Variants in C6orf89 observed in about 807,000 individuals in gnomAD.
C6orf89 encodes bombesin receptor-activated protein C6orf89.
A neutral mutation model predicts 40.7 loss-of-function variants in C6orf89; 29 were observed. That is an observed-to-expected ratio of 0.71 (90% confidence interval 0.53 to 0.97). The LOEUF (loss-of-function observed/expected upper bound fraction) is 0.97, where lower values mean the gene tolerates loss of function less well. C6orf89 is among the 50% of genes least tolerant of loss of function. The pLI, the probability that C6orf89 is intolerant of heterozygous loss-of-function variation, is 0.00. For missense variants in C6orf89, 392 were observed against 429.1 expected (o/e 0.91, Z 0.76); for synonymous variants, 165 against 152.2 (o/e 1.08, Z -0.62).
At chr6:36,887,376 C>T (rs1228928424) in intron 1 of C6orf89, among the ~76,000 whole-genome samples, 1 of 152,170 alleles carries the variant, frequency 6.6e-6, no homozygotes, top group African/African-American at 2.4e-5. Flanking sequence ...GATCTGATTC[C>T]ACATCTGAGG....
chr6:36,878,268 T>C (rs778994699), intron 1 of C6orf89, among the ~76,000 whole-genome samples: 2 of 152,246 alleles, frequency 1.3e-5, no homozygotes, highest in African/African-American at 2.4e-5. Flanking sequence ...TTCTGTTTCA[T>C]TGGTTTCATA....
intron 2 of C6orf89, among the ~76,000 whole-genome samples, chr6:36,879,374 T>G (rs1774741533): frequency 6.6e-6 from 1 of 152,088 alleles, no homozygotes; most frequent in Non-Finnish European, 1.5e-5. Context: ...AACAAAAAAT[T>G]TTTCCTTTAT....
chr6:36,901,305 TATTATTATTATTATTA>T (rs1314579985), intron 3 of C6orf89, among the ~76,000 whole-genome samples: 3 of 70,524 alleles, frequency 4.3e-5, no homozygotes. Flanking sequence ...TTATTATTAT[TATTATTATTATTATTA>T]TTTTTTTTTT....
rs1348559028 is a variant in C6orf89 at position 36,914,465 on chromosome 6, T to G, written c.555+30T>G. On this transcript the variant is annotated intron_variant, in intron 5 of 8. Transcript: ENST00000480824. ...GCAGAAGCCTGAGTCTCCCGCTGATTGGCTGCTTGCTTAAAGGCTAGGTCA... is the reference window on the plus strand; with the variant it reads ...GCAGAAGCCTGAGTCTCCCGCTGATGGGCTGCTTGCTTAAAGGCTAGGTCA... The G allele has an allele frequency of 3.7e-6, 6 of 1,613,572 alleles. 1 individual carries two copies. The highest frequency in any genetic ancestry group is 1.7e-4 in the Middle Eastern group (1 of 6,058).
chr6:36,911,933 C>G (rs113723632), intron 4 of C6orf89, among the ~76,000 whole-genome samples: 10 of 136,542 alleles, frequency 7.3e-5, no homozygotes, highest in East Asian at 6.2e-4. Flanking sequence ...ACAGTGAACC[C>G]CCCCCCCCCG....
chr6:36,885,890 C>A, upstream of C6orf89: 2 of 667,736 alleles, frequency 3.0e-6, no homozygotes, highest in South Asian at 1.2e-4. Context: ...GGAGGAATTA[C>A]TCTAGGGTAC....
At chr6:36,921,425 T>C (rs1488605887) in intron 8 of C6orf89, among the ~76,000 whole-genome samples, 1 of 152,094 alleles carries the variant, frequency 6.6e-6, no homozygotes, top group Non-Finnish European at 1.5e-5. Flanking sequence ...GTTCTATGAT[T>C]TTTGACAAAA....
intron 3 of C6orf89, among the ~76,000 whole-genome samples, chr6:36,901,325 T>TACTA (rs1561865544): frequency 7.7e-5 from 3 of 38,824 alleles, no homozygotes; most frequent in African/African-American, 4.2e-4. Context: ...ATTATTATTT[T>TACTA]TTTTTTTTTT....
chr6:36,904,684 A>G (rs1761859382), intron 4 of C6orf89, among the ~76,000 whole-genome samples: 1 of 152,198 alleles, frequency 6.6e-6, no homozygotes, highest in Non-Finnish European at 1.5e-5. Context: ...GTATCAAAAA[A>G]CAACTACCTT....
At chr6:36,882,713 C>CTTTTT (rs1168220528), upstream of C6orf89, among the ~76,000 whole-genome samples, 16 of 115,440 alleles carry the variant, frequency 1.4e-4, no homozygotes, top group South Asian at 2.7e-4. Context: ...TTGTCATTTT[C>CTTTTT]TTTTTTTTTT....
At chr6:36,901,676 A>ATT (rs200805293) in intron 3 of C6orf89, among the ~76,000 whole-genome samples, 1 of 128,652 alleles carries the variant, frequency 7.8e-6, no homozygotes, top group East Asian at 2.2e-4. Context: ...ATTTATTTTT[A>ATT]TTTTTTTTTT....
At position 36,923,682 on chromosome 6, in the gene C6orf89, C is replaced by T; in HGVS notation, c.*241C>T. Reference sequence around the variant, plus strand: ...GGCCACTTGGCTAGGACTCTGCCAGCACCCATCTGAGACTGACCTCTTCCG... The same window carrying T: ...GGCCACTTGGCTAGGACTCTGCCAGTACCCATCTGAGACTGACCTCTTCCG... On this transcript the variant is annotated 3_prime_UTR_variant, in exon 9 of 9. Transcript: ENST00000480824. 1.9e-6 allele frequency: 1 copy of T among 515,972 alleles called. No homozygotes were observed. The highest frequency in any genetic ancestry group is 3.6e-6 in the Non-Finnish European group (1 of 274,842). The allele number at this position is 515,972 out of a possible 1,614,324, so 32.0% of individuals were successfully genotyped here.
intron 1 of C6orf89, among the ~76,000 whole-genome samples, chr6:36,892,358 G>A (rs938811243): frequency 6.6e-6 from 1 of 152,154 alleles, no homozygotes; most frequent in Non-Finnish European, 1.5e-5. Flanking sequence ...AAGAGCTGGA[G>A]CCTCCCTGTG....
rs752263332 is a variant in C6orf89 at position 36,919,641 on chromosome 6, C to T, written c.889C>T (p.Pro297Ser). The T allele has an allele frequency of 7.4e-6, 12 of 1,614,044 alleles. No homozygotes were observed. Among genetic ancestry groups the T allele is most frequent in the Non-Finnish European group, 1.0e-5 (12 of 1,180,004 alleles). The part of the protein sequence containing the change: ...SGEAMLQLIP[P>S]FQCRRHCQSV... ...TGAGGCCATGTTGCAGCTCATCCCTCCCTTCCAGTGCCGAAGACATTGTCA... is the reference window on the plus strand; with the variant it reads ...TGAGGCCATGTTGCAGCTCATCCCTTCCTTCCAGTGCCGAAGACATTGTCA... Residue 297 changes from proline (P) to serine (S), a missense_variant, in exon 8 of 9, where the codon CCC becomes TCC. Pro to Ser is a moderately conservative substitution (Grantham distance 74). Transcript: ENST00000480824.
chr6:36,919,056 G>A (rs1561876611), intron 7 of C6orf89, among the ~76,000 whole-genome samples: 1 of 152,202 alleles, frequency 6.6e-6, no homozygotes, highest in Non-Finnish European at 1.5e-5. Flanking sequence ...GGCCCTGGTA[G>A]TAAGAAATAA....
intron 8 of C6orf89, among the ~76,000 whole-genome samples, chr6:36,922,751 T>C (rs1285539235): frequency 6.6e-6 from 1 of 152,168 alleles, no homozygotes; most frequent in African/African-American, 2.4e-5. Context: ...CAATGCTGGT[T>C]TAGGTTTAGG....
intron 3 of C6orf89, among the ~76,000 whole-genome samples, 182 bp downstream of exon 3, chr6:36,899,815 G>A (rs1053866094): frequency 6.6e-6 from 1 of 152,224 alleles, no homozygotes; most frequent in African/African-American, 2.4e-5. Flanking sequence ...GGTCCTAGAT[G>A]AAAGCTGCAT....
In C6orf89 at chr6:36,926,593, A is replaced by AGGGGAGAGG. The variant is rs1470691875; in HGVS notation, c.*3152_*3153insGGGGAGAGG. ...AGAAAAGAAGAGGGGAGGGGAGGGA[A>AGGGGAGAGG]AGGGAAGGGAGGGGAGGGGAGGAGA... is the stretch of plus-strand genomic sequence containing the variant. On this transcript the variant is annotated 3_prime_UTR_variant, in exon 9 of 9. Coordinates refer to ENST00000480824, the MANE Select transcript of C6orf89 (RefSeq NM_001286635.2). 1 of 85,384 alleles carries AGGGGAGAGG rather than the reference A, an allele frequency of 1.2e-5. No individual in the cohort carries two copies. The highest frequency in any genetic ancestry group is 2.0e-5 in the Non-Finnish European group (1 of 50,360). 5.3% of individuals were successfully genotyped at this position (85,384 alleles called of 1,614,324 possible).
intron 1 of C6orf89, among the ~76,000 whole-genome samples, chr6:36,872,134 C>T (rs1774523463): frequency 6.6e-6 from 1 of 151,936 alleles, no homozygotes; most frequent in South Asian, 2.1e-4. Context: ...AATTCTAATA[C>T]TATACATATA....
Sources: gnomAD v4.1 joint callset for allele counts (sites outside exome capture counted in the v4.1 genomes callset) on GRCh38, gnomAD v4.1.1 for gene constraint, MANE v1.5 for transcripts, NCBI Gene and HGNC (gene_info 2026-07-23, HGNC 2026-07-21) for gene names.